The following USP43 variants were observed in gnomAD, a reference collection of about 807,000 sequenced individuals.
The protein encoded by USP43 is ubiquitin carboxyl-terminal hydrolase 43.
In USP43, 33 loss-of-function variants were observed where a neutral mutation model predicts 90.7. The ratio of observed to expected loss-of-function variants is 0.36; its 90% CI spans 0.28 to 0.49. USP43 has a LOEUF of 0.49. Among genes scored for constraint, USP43 ranks in the 20% least tolerant of loss-of-function variants. USP43 has a pLI of 0.98. For missense variants in USP43, 1,274 were observed against 1,476.4 expected, an observed-to-expected ratio of 0.86 and a Z score of 2.25; for synonymous variants, 598 against 615.8, an observed-to-expected ratio of 0.97 and a Z score of 0.43.
In USP43 at chr17:9,728,101, C is replaced by T. The variant is rs201489336; in HGVS notation, c.2483C>T (p.Ala828Val). The T allele has an allele frequency of 2.5e-6, 4 of 1,613,790 alleles. No homozygotes were observed. The highest frequency in any genetic ancestry group is 1.3e-5 in the African/African-American group (1 of 74,906). The change falls in exon 15 of 15, where the codon GCC becomes GTC. Residue 828 changes from alanine to valine, a missense_variant. Ala to Val is a moderately conservative substitution (Grantham distance 64). Coordinates refer to ENST00000285199, the MANE Select transcript of USP43 (RefSeq NM_153210.5). The surrounding 1 kb of genome is among the most constrained non-coding windows in gnomAD (Gnocchi z 6.2). The stretch of plus-strand genomic sequence containing the variant: ...GGATCCAAGGAGAAACCACCAGGTG[C>T]CTCCGTCGAGTTGGTGGAGTACTTG... ...SFGSKEKPPG[A>V]SVELVEYLES... is the part of the protein sequence containing the mutation.
intron 1 of USP43, among the ~76,000 whole-genome samples, chr17:9,652,577 G>T (rs1473387779): frequency 6.6e-6 from 1 of 151,990 alleles, no homozygotes; most frequent in Non-Finnish European, 1.5e-5. Flanking sequence ...TAGCCAGGAT[G>T]GGTTCAATCT....
intron 1 of USP43, among the ~76,000 whole-genome samples, chr17:9,647,831 C>T (rs113324024): frequency 0.024 from 3,410 of 142,264 alleles, 142 homozygotes; most frequent in African/African-American, 0.086. Context: ...GGTGAAACCC[C>T]GTCTTTACTA....
At chr17:9,714,451 G>A (rs1916374253) in intron 14 of USP43, among the ~76,000 whole-genome samples, 1 of 152,130 alleles carries the variant, frequency 6.6e-6, no homozygotes, top group African/African-American at 2.4e-5. Flanking sequence ...GGAGGCCGAG[G>A]TGGGCAGATC....
In USP43 at chr17:9,686,893, G is replaced by C; in HGVS notation, c.1337G>C (p.Ser446Thr). 1 of 1,613,564 alleles carries C rather than the reference G, an allele frequency of 6.2e-7. No individual in the cohort carries two copies. The highest frequency in any genetic ancestry group is 8.5e-7 in the Non-Finnish European group (1 of 1,179,848). ...ILSKVRHLMKSEAPVQNLGSL... is the reference protein window; with the variant it reads ...ILSKVRHLMKTEAPVQNLGSL... The stretch of plus-strand genomic sequence containing the variant: ...AGCAAGGTCCGCCATCTTATGAAGA[G>C]TGAGGCCCCTGTACAGGTCAGTGGT... Residue 446 changes from serine (S) to threonine (T), a missense_variant, in exon 8 of 15, where the codon AGT becomes ACT. Physicochemically the swap from Ser to Thr is moderately conservative, Grantham distance 58 (BLOSUM62 1). Around this residue, in one of 6 missense-constraint regions of USP43, gnomAD observed 253 missense variants for 276.0 expected, o/e 0.92. Coordinates refer to ENST00000285199, the MANE Select transcript of USP43 (RefSeq NM_153210.5). The surrounding 1 kb of genome is among the most constrained non-coding windows in gnomAD (Gnocchi z 5.5).
intron 3 of USP43, among the ~76,000 whole-genome samples, chr17:9,669,513 C>A (rs76990505): frequency 6.6e-6 from 1 of 152,142 alleles, no homozygotes; most frequent in African/African-American, 2.4e-5. Flanking sequence ...TGCCCTACTG[C>A]GTGCTGGGTT....
intron 1 of USP43, among the ~76,000 whole-genome samples, chr17:9,648,920 A>T (rs1243366659): frequency 0.035 from 2,571 of 72,938 alleles, no homozygotes; most frequent in South Asian, 0.038. Context: ...TCTCTCTCCC[A>T]CTCTTTCTGT....
intron 1 of USP43, among the ~76,000 whole-genome samples, chr17:9,652,212 C>CAAAAAAAAAAAAAAAAAAA (rs769295315): frequency 2.3e-5 from 1 of 42,722 alleles, no homozygotes; most frequent in African/African-American, 9.1e-5. Flanking sequence ...GCCCTTAGCG[C>CAAAAAAAAAAAAAAAAAAA]AAAAAAAAAA....
chr17:9,710,256 G>A (rs1264994132), intron 13 of USP43, 142 bp downstream of exon 13: 4 of 906,060 alleles, frequency 4.4e-6, no homozygotes, highest in Non-Finnish European at 1.5e-6. Flanking sequence ...GTAGAAACCT[G>A]AGCTGCATAG....
chr17:9,714,597 C>T (rs866176021), intron 14 of USP43, among the ~76,000 whole-genome samples: 135 of 150,734 alleles, frequency 9.0e-4, no homozygotes, highest in African/African-American at 2.3e-3. Flanking sequence ...GCAGGGGAAT[C>T]GCTTGAACCT....
chr17:9,710,459 G>A (rs998450086), intron 13 of USP43, among the ~76,000 whole-genome samples: 4 of 151,166 alleles, frequency 2.6e-5, no homozygotes, highest in Non-Finnish European at 4.4e-5. Flanking sequence ...TGGAAAGGCA[G>A]GGCAGTTATA....
intron 3 of USP43, among the ~76,000 whole-genome samples, chr17:9,669,268 G>C (rs1318124519): frequency 1.3e-5 from 2 of 152,170 alleles, no homozygotes; most frequent in Non-Finnish European, 2.9e-5. Context: ...GGAGTATAAG[G>C]TGAAGGCATG....
At chr17:9,708,587 T>G (rs983103489) in intron 12 of USP43, among the ~76,000 whole-genome samples, 2 of 152,206 alleles carry the variant, frequency 1.3e-5, no homozygotes, top group African/African-American at 4.8e-5. Flanking sequence ...GTCAGCAAAC[T>G]GTGGCCCACG....
chr17:9,728,779 G>A lies in USP43; in HGVS notation c.3161G>A (p.Gly1054Asp). Residue 1054 changes from glycine to aspartate, a missense_variant, in exon 15 of 15, where the codon GGC (glycine) becomes GAC (aspartate). By Grantham distance (94) the Gly-to-Asp change is moderately conservative. Transcript: ENST00000285199. The surrounding 1 kb of genome is among the most constrained non-coding windows in gnomAD (Gnocchi z 6.2). ...AGGATCCCAGAGGGCCTGGCCAGGG[G>A]CCTGGGCAGCCGGCTCGAGAGGGAT... ...ALRIPEGLAR[G>D]LGSRLERDVW... 3.1e-6 allele frequency: 5 copies of A among 1,608,874 alleles called. No individual in the cohort carries two copies. Among genetic ancestry groups the A allele is most frequent in the Non-Finnish European group, 4.2e-6 (5 of 1,177,408 alleles).
Position 9,701,655 on chromosome 17 carries a change from G to A in USP43, c.1966G>A (p.Ala656Thr). ...GCTGGACTTCCTGTACGACCTGTAT[G>A]CCGTCTGCAACCACCATGGCAACCT... Reference protein sequence around the residue: ...YPLDFLYDLYAVCNHHGNLQG... With the variant: ...YPLDFLYDLYTVCNHHGNLQG... The change falls in exon 12 of 15, where the codon GCC (alanine) becomes ACC (threonine). Residue 656 changes from alanine (A) to threonine (T), a missense_variant. Physicochemically the swap from Ala to Thr is moderately conservative, Grantham distance 58. Around this residue, in one of 6 missense-constraint regions of USP43, gnomAD observed 285 missense variants for 349.6 expected, o/e 0.82. Transcript: ENST00000285199. The surrounding 1 kb of genome is among the most constrained non-coding windows in gnomAD (Gnocchi z 7.2). 2 of 1,587,406 alleles carry A rather than the reference G, an allele frequency of 1.3e-6. No homozygotes were observed. The highest frequency in any genetic ancestry group is 1.2e-5 in the South Asian group (1 of 86,602).
chr17:9,659,447 A>G (rs944475636), intron 2 of USP43, among the ~76,000 whole-genome samples: 1 of 152,146 alleles, frequency 6.6e-6, no homozygotes, highest in Non-Finnish European at 1.5e-5. Context: ...GGCTTTGTCT[A>G]TTTCAAAGCC....
intron 12 of USP43, among the ~76,000 whole-genome samples, chr17:9,706,631 ATTTTTTTTTTTTTTTT>A (rs34165346): frequency 4.7e-5 from 4 of 84,436 alleles, no homozygotes; most frequent in South Asian, 4.5e-4. Context: ...TCAGATATTA[ATTTTTTTTTTTTTTTT>A]TTTTTTTTTT....
At chr17:9,696,439 C>T (rs1449839783) in intron 9 of USP43, among the ~76,000 whole-genome samples, 1 of 152,026 alleles carries the variant, frequency 6.6e-6, no homozygotes, top group Non-Finnish European at 1.5e-5. Flanking sequence ...TGGCCCCATC[C>T]CTGGGTGATC....
chr17:9,720,321 CAAAA>C (rs980644442), intron 14 of USP43, among the ~76,000 whole-genome samples: 1 of 43,736 alleles, frequency 2.3e-5, no homozygotes, highest in Admixed American at 2.9e-4. Flanking sequence ...GACTCCATCT[CAAAA>C]AAAAAAAAAA....
At chr17:9,663,354 G>A (rs1912778549) in intron 2 of USP43, among the ~76,000 whole-genome samples, 1 of 151,356 alleles carries the variant, frequency 6.6e-6, no homozygotes, top group Non-Finnish European at 1.5e-5. Context: ...CTGGAATGCA[G>A]TGGTGTGATC....
Sources: allele counts gnomAD v4.1 joint callset (sites outside exome capture counted in the v4.1 genomes callset), GRCh38; gene constraint gnomAD v4.1.1; regional missense constraint gnomAD v4.1.1; non-coding constraint Gnocchi (gnomAD v3.1); transcripts MANE v1.5; gene names NCBI Gene and HGNC (gene_info 2026-07-23, HGNC 2026-07-21).